The following EGLN1 variants were observed in gnomAD, a reference collection of about 807,000 sequenced individuals.
The protein encoded by EGLN1 is egl nine homolog 1.
A neutral mutation model predicts 38.3 loss-of-function variants in EGLN1; 17 were observed. That is an observed-to-expected ratio of 0.44 (90% CI 0.30 to 0.67). EGLN1 has a LOEUF of 0.67. Ranked by LOEUF, EGLN1 falls within the 30% of genes least tolerant of loss-of-function variation. EGLN1 has a pLI of 0.08. For synonymous variants in EGLN1, 283 were observed against 257.5 expected, an observed-to-expected ratio of 1.10 and a Z score of -0.95; for missense variants, 477 against 603.3, an observed-to-expected ratio of 0.79 and a Z score of 2.19.
At chr1:231,379,550 G>T (rs1407220927) in intron 1 of EGLN1, among the ~76,000 whole-genome samples, 1 of 152,212 alleles carries the variant, frequency 6.6e-6, no homozygotes, top group African/African-American at 2.4e-5. Flanking sequence ...GGTTGCAGGT[G>T]GCTGGGGCCT....
chr1:231,373,119 G>A (rs1397775066), intron 2 of EGLN1, among the ~76,000 whole-genome samples: 1 of 151,988 alleles, frequency 6.6e-6, no homozygotes, highest in Non-Finnish European at 1.5e-5. Flanking sequence ...CTAATATTAA[G>A]GAAATATATA....
Position 231,366,207 on chromosome 1 carries a change from A to T in EGLN1, c.*204T>A. The T allele has an allele frequency of 1.6e-6, 1 of 611,560 alleles. No homozygotes were observed. The highest frequency in any genetic ancestry group is 1.8e-5 in the African/African-American group (1 of 54,126). The allele number at this position is 611,560 out of a possible 1,614,324, so 37.9% of individuals were successfully genotyped here. A position where few individuals can be genotyped will look rare whatever the true frequency, so the allele number is the denominator to read the frequency against. On this transcript the variant is annotated 3_prime_UTR_variant, in exon 5 of 5. Coordinates refer to ENST00000366641, the MANE Select transcript of EGLN1 (RefSeq NM_022051.3). ...GTAGCTTATCTTCCTCCTGTAAGCAATCACAGATTTGAAGTTGATCATGCA... is the reference window on the plus strand; with the variant it reads ...GTAGCTTATCTTCCTCCTGTAAGCATTCACAGATTTGAAGTTGATCATGCA...
At chr1:231,410,825 T>C (rs1037834486) in intron 1 of EGLN1, among the ~76,000 whole-genome samples, 1 of 128,178 alleles carries the variant, frequency 7.8e-6, no homozygotes, top group African/African-American at 2.9e-5. Flanking sequence ...AATAGAGCTA[T>C]TGCAGCAGTA....
chr1:231,373,887 G>T, intron 2 of EGLN1, 93 bp downstream of exon 2: 1 of 1,460,826 alleles, frequency 6.8e-7, no homozygotes, highest in Non-Finnish European at 9.5e-7. Flanking sequence ...TTTTAACTGT[G>T]TCTGTGACAG....
intron 2 of EGLN1, among the ~76,000 whole-genome samples, chr1:231,371,534 C>CATT (rs1481585436): frequency 2.0e-5 from 3 of 152,174 alleles, no homozygotes; most frequent in Non-Finnish European, 4.4e-5. Context: ...GCATATAGTT[C>CATT]ATTAGAACCT....
chr1:231,386,614 C>T (rs376612163), intron 1 of EGLN1, among the ~76,000 whole-genome samples: 18 of 152,204 alleles, frequency 1.2e-4, no homozygotes, highest in African/African-American at 3.6e-4. Context: ...GTTTCCCCAA[C>T]CAGACTGTAG....
At chr1:231,400,629 G>A (rs1688643330) in intron 1 of EGLN1, among the ~76,000 whole-genome samples, 1 of 152,158 alleles carries the variant, frequency 6.6e-6, no homozygotes, top group Non-Finnish European at 1.5e-5. Context: ...TTGAGTGAAT[G>A]GCTGGGTTTT....
chr1:231,372,685 T>C (rs1173381784), intron 2 of EGLN1, among the ~76,000 whole-genome samples: 1 of 152,186 alleles, frequency 6.6e-6, no homozygotes, highest in East Asian at 1.9e-4. Context: ...CCTCAATATA[T>C]ACTCAGCAGA....
chr1:231,384,747 G>T (rs568305102), intron 1 of EGLN1, among the ~76,000 whole-genome samples: 104 of 152,328 alleles, frequency 6.8e-4, no homozygotes, highest in African/African-American at 1.7e-3. Flanking sequence ...TAGAGCAGGG[G>T]CTGGCAGACC....
intron 1 of EGLN1, among the ~76,000 whole-genome samples, chr1:231,387,282 A>ATGCCCC (rs1688243317): frequency 6.6e-6 from 1 of 151,150 alleles, no homozygotes. Flanking sequence ...AAGACAGAAT[A>ATGCCCC]CTAAATTATG....
intron 1 of EGLN1, among the ~76,000 whole-genome samples, chr1:231,416,341 A>T (rs1217687168): frequency 6.6e-6 from 1 of 151,476 alleles, no homozygotes; most frequent in Non-Finnish European, 1.5e-5. Context: ...CTCTATTATC[A>T]TCTCCTCCTC....
chr1:231,381,573 T>TA (rs1047591309), intron 1 of EGLN1, among the ~76,000 whole-genome samples: 1 of 152,128 alleles, frequency 6.6e-6, no homozygotes, highest in African/African-American at 2.4e-5. Context: ...AACTTAAATA[T>TA]ACACTTAAAA....
At chr1:231,414,781 G>A in intron 1 of EGLN1, among the ~76,000 whole-genome samples, 1 of 146,534 alleles carries the variant, frequency 6.8e-6, no homozygotes, top group Non-Finnish European at 1.5e-5. Context: ...ACCCAGGCTG[G>A]ATGAAGTGCA....
intron 1 of EGLN1, among the ~76,000 whole-genome samples, chr1:231,377,412 G>A (rs973773043): frequency 2.6e-5 from 4 of 152,226 alleles, no homozygotes; most frequent in South Asian, 4.1e-4. Context: ...AAGAGGCTGA[G>A]CCCAGAGTAG....
intron 1 of EGLN1, among the ~76,000 whole-genome samples, chr1:231,392,361 T>A (rs1353463675): frequency 3.9e-5 from 6 of 152,168 alleles, no homozygotes; most frequent in Admixed American, 3.3e-4. Context: ...AACTTAATTT[T>A]AAAAATTTTC....
intron 1 of EGLN1, among the ~76,000 whole-genome samples, chr1:231,384,086 T>C (rs1688136013): frequency 6.7e-6 from 1 of 150,250 alleles, no homozygotes; most frequent in Admixed American, 6.6e-5. Flanking sequence ...TAAAGGGGAG[T>C]GAGAATGGAA....
At chr1:231,412,046 A>G in intron 1 of EGLN1, among the ~76,000 whole-genome samples, 1 of 144,498 alleles carries the variant, frequency 6.9e-6, no homozygotes, top group African/African-American at 2.6e-5. Flanking sequence ...AAAAAAAAAA[A>G]AAAGGCCTGG....
Position 231,419,853 on chromosome 1 carries a change from T to C in EGLN1, c.891+1145A>G, listed in dbSNP as rs370432271. ...CACATGTAATGACTGTCAAAGTAGATGATCTGACACACACATACAGAAAAA... is the reference window on the plus strand; with the variant it reads ...CACATGTAATGACTGTCAAAGTAGACGATCTGACACACACATACAGAAAAA... On this transcript the variant is annotated intron_variant, in intron 1 of 4. Transcript: ENST00000366641. 1.1e-3 allele frequency among the ~76,000 whole-genome samples: 162 copies of C among 152,284 alleles called. 1 individual carries two copies. Among genetic ancestry groups the C allele is most frequent in the African/African-American group, 3.9e-3 (161 of 41,546 alleles).
rs766080154 is a variant in EGLN1 at position 231,421,865 on chromosome 1, G to T, written c.24C>A (p.Pro8=). ...CTCGCTCGCTCGGGCTCGGCCCGCC[G>T]GGCCCGCCGCTGTCATTGGCCATGG... MANDSGG[P]GGPSPSERDR... Residue 8 remains proline, a synonymous_variant, in exon 1 of 5, where the codon CCC becomes CCA. Coordinates refer to ENST00000366641, the MANE Select transcript of EGLN1 (RefSeq NM_022051.3). This position sits in a 1 kb window ranked among gnomAD's most constrained non-coding sequence, Gnocchi z 5.5. 2.0e-6 allele frequency: 3 copies of T among 1,495,154 alleles called. No individual in the cohort carries two copies. The highest frequency in any genetic ancestry group is 2.7e-6 in the Non-Finnish European group (3 of 1,131,204). 92.6% of individuals were successfully genotyped at this position (1,495,154 alleles called of 1,614,324 possible). A position where few individuals can be genotyped will look rare whatever the true frequency, so the allele number is the denominator to read the frequency against.
Sources: allele counts gnomAD v4.1 joint callset (sites outside exome capture counted in the v4.1 genomes callset), GRCh38; gene constraint gnomAD v4.1.1; non-coding constraint Gnocchi (gnomAD v3.1); transcripts MANE v1.5; gene names NCBI Gene and HGNC (gene_info 2026-07-23, HGNC 2026-07-21).